GRID2: variants seen among roughly 807,000 people sequenced by gnomAD.
The protein encoded by GRID2 is glutamate receptor ionotropic, delta-2.
Under a neutral mutation model 114.8 loss-of-function variants are expected in GRID2, and 33 were observed. That is an observed-to-expected ratio of 0.29 (90% confidence interval 0.22 to 0.38). GRID2 has a LOEUF of 0.38. GRID2 is among the 10% of genes least tolerant of loss of function. The pLI is 1.00. For synonymous variants in GRID2, 505 were observed against 449.9 expected (o/e 1.12, Z -1.55); for missense variants, 1,184 against 1,257.7 (o/e 0.94, Z 0.89).
chr4:92,937,767 G>A (rs1462930733), intron 2 of GRID2, among the ~76,000 whole-genome samples: 2 of 146,322 alleles, frequency 1.4e-5, no homozygotes, highest in African/African-American at 2.4e-5. Context: ...ATTTCTATAC[G>A]GATTGCATTG....
intron 13 of GRID2, among the ~76,000 whole-genome samples, chr4:93,625,788 G>A (rs1056848979): frequency 5.9e-5 from 9 of 152,130 alleles, no homozygotes; most frequent in Admixed American, 3.9e-4. Context: ...GGTGGTGGGC[G>A]CCTGTAGTCC....
chr4:93,660,143 C>T (rs1454082484), intron 14 of GRID2, among the ~76,000 whole-genome samples: 2 of 151,846 alleles, frequency 1.3e-5, no homozygotes, highest in Admixed American at 6.6e-5. Flanking sequence ...AAAGAATATC[C>T]GCATGTGAAA....
intron 2 of GRID2, among the ~76,000 whole-genome samples, chr4:92,911,873 T>C (rs1748412317): frequency 6.6e-6 from 1 of 151,836 alleles, no homozygotes; most frequent in African/African-American, 2.4e-5. Flanking sequence ...GTATTAATTC[T>C]TAAGGTTTAT....
chr4:93,171,975 A>T lies in GRID2; in HGVS notation c.736-35429A>T, dbSNP rs188297696. On this transcript the variant is annotated intron_variant, in intron 4 of 15. Coordinates refer to ENST00000282020, the MANE Select transcript of GRID2 (RefSeq NM_001510.4). ...TTGTTAATTGGAAAATTGCTAGATT[A>T]TCATTATATCCCAGTGATTTTCCTA... Among the ~76,000 whole-genome samples, 24 of 152,338 alleles carry T rather than the reference A, an allele frequency of 1.6e-4. 1 individual carries two copies. The East Asian group carries it at 4.1e-3, about 26-fold the overall frequency.
At chr4:93,576,419 G>A (rs1736424120) in intron 13 of GRID2, among the ~76,000 whole-genome samples, 1 of 152,140 alleles carries the variant, frequency 6.6e-6, no homozygotes, top group African/African-American at 2.4e-5. Context: ...GAAGGGATTA[G>A]ACCACAAAAT....
chr4:93,569,543 T>A (rs2149577156), intron 13 of GRID2, among the ~76,000 whole-genome samples: 1 of 152,324 alleles, frequency 6.6e-6, no homozygotes, highest in South Asian at 2.1e-4. Flanking sequence ...GAGGGATCGT[T>A]TGAAAAGTAA....
chr4:93,548,036 G>T (rs1385652449), intron 13 of GRID2, among the ~76,000 whole-genome samples: 1 of 152,000 alleles, frequency 6.6e-6, no homozygotes, highest in Non-Finnish European at 1.5e-5. Context: ...AATTAGCTGG[G>T]CACGGTGGTG....
chr4:93,615,386 T>A (rs916337810), intron 13 of GRID2, among the ~76,000 whole-genome samples: 1 of 152,170 alleles, frequency 6.6e-6, no homozygotes, highest in Non-Finnish European at 1.5e-5. Context: ...AGCACAAGAG[T>A]AATTTGAATT....
chr4:92,916,363 CTG>C (rs1028515003), intron 2 of GRID2, among the ~76,000 whole-genome samples: 15 of 151,678 alleles, frequency 9.9e-5, no homozygotes, highest in African/African-American at 3.4e-4. Flanking sequence ...GAAACCGACA[CTG>C]TTTTTAAATT....
At chr4:92,873,459 T>A (rs1345601727) in intron 2 of GRID2, among the ~76,000 whole-genome samples, 1 of 152,126 alleles carries the variant, frequency 6.6e-6, no homozygotes, top group Admixed American at 6.5e-5. Context: ...ATTTAAATGT[T>A]ATATTATTAA....
At chr4:92,750,568 C>G (rs1737401475) in intron 2 of GRID2, among the ~76,000 whole-genome samples, 1 of 152,134 alleles carries the variant, frequency 6.6e-6, no homozygotes, top group Admixed American at 6.6e-5. Context: ...ATTTGTGATT[C>G]CAGACCCTGG....
rs553738816 is a variant in GRID2, at chr4:93,320,975, A to AGAT, written c.1246-74628_1246-74626dup. ...TTGATATCCACATGGAAGGAAGGAA[A>AGAT]GATGATTTTGCAGAAAGAGCTGTGG... On this transcript the variant is annotated intron_variant, in intron 8 of 15. Transcript: ENST00000282020. Among the ~76,000 whole-genome samples the AGAT allele has an allele frequency of 8.8e-3, 1,341 of 151,918 alleles. 16 individuals carry two copies. The highest frequency in any genetic ancestry group is 0.013 in the Non-Finnish European group (878 of 67,944).
In GRID2 at chr4:93,543,710, TAGAGAG is replaced by T. The variant is rs34742442; in HGVS notation, c.2193+28331_2193+28336del. The stretch of plus-strand genomic sequence containing the variant: ...AGCAAGAGTGAGAGTGAGTGAGAGA[TAGAGAG>T]AGAGAGAGAGAGAGAGAGAGAGAGA... On this transcript the variant is annotated intron_variant, in intron 13 of 15. Transcript: ENST00000282020. Among the ~76,000 whole-genome samples the T allele has an allele frequency of 2.6e-3, 342 of 133,518 alleles. 2 individuals carry two copies. Among genetic ancestry groups the T allele is most frequent in the South Asian group, 3.6e-3 (14 of 3,868 alleles). 87.6% of individuals were successfully genotyped at this position (133,518 alleles called of 152,430 possible).
chr4:93,594,948 C>G (rs1738910815), intron 13 of GRID2, among the ~76,000 whole-genome samples: 3 of 152,218 alleles, frequency 2.0e-5, no homozygotes, highest in African/African-American at 2.4e-5. Context: ...CCTGCACCCA[C>G]TGTCTGGCAC....
At chr4:93,727,733 G>A (rs1578674903) in intron 14 of GRID2, among the ~76,000 whole-genome samples, 1 of 152,148 alleles carries the variant, frequency 6.6e-6, no homozygotes, top group South Asian at 2.1e-4. Context: ...ATGTGTTGAG[G>A]AATTTATCCA....
At chr4:92,342,438 G>C (rs1180533370) in intron 1 of GRID2, among the ~76,000 whole-genome samples, 4 of 152,118 alleles carry the variant, frequency 2.6e-5, no homozygotes, top group Non-Finnish European at 5.9e-5. Context: ...AAGGAGACTT[G>C]AGCCTGAAGA....
chr4:92,445,412 A>C (rs1265698097), intron 1 of GRID2, among the ~76,000 whole-genome samples: 1 of 152,206 alleles, frequency 6.6e-6, no homozygotes, highest in Admixed American at 6.5e-5. Context: ...CTTTTGCCTG[A>C]AGTTTATATT....
At chr4:93,803,567 C>T (rs900501684) in intron 1 of GRID2, among the ~76,000 whole-genome samples, 8 of 151,952 alleles carry the variant, frequency 5.3e-5, no homozygotes, top group African/African-American at 1.7e-4. Context: ...ACTAAAAATA[C>T]AAAAATTAGC....
intron 2 of GRID2, among the ~76,000 whole-genome samples, chr4:92,963,396 G>A (rs528160990): frequency 2.2e-4 from 33 of 151,974 alleles, no homozygotes; most frequent in South Asian, 1.0e-3. Flanking sequence ...TGTAATATTC[G>A]AAATCCTTTG....
Sources: gnomAD v4.1 joint callset for allele counts (sites outside exome capture counted in the v4.1 genomes callset) on GRCh38, gnomAD v4.1.1 for gene constraint, MANE v1.5 for transcripts, NCBI Gene and HGNC (gene_info 2026-07-23, HGNC 2026-07-21) for gene names.